Variants in MYO5B observed in about 807,000 individuals in gnomAD.
MYO5B encodes myosin VB.
MYO5B carries 143 observed loss-of-function variants against 229.3 expected under a neutral mutation model. The observed-to-expected ratio is 0.62, with a 90% CI of 0.54 to 0.72. The LOEUF is 0.72. MYO5B is among the 30% of genes least tolerant of loss of function. MYO5B has a pLI of 0.00. For synonymous variants in MYO5B, 918 were observed against 885.2 expected (o/e 1.04, Z -0.66); for missense variants, 2,321 against 2,331.0 (o/e 1.00, Z 0.09).
At position 49,864,254 on chromosome 18, in the gene MYO5B, G is replaced by A; in HGVS notation, c.3730C>T (p.Leu1244=). The A allele has an allele frequency of 6.2e-7, 1 of 1,614,164 alleles. No individual in the cohort carries two copies. Among genetic ancestry groups the A allele is most frequent in the Non-Finnish European group, 8.5e-7 (1 of 1,180,050 alleles). Reference sequence around the variant, plus strand: ...TCGTGGGCCAGCTTGAGCTGGTTCAGCAGGAGGCTGTAGCTATCTGGGGAG... The same window carrying A: ...TCGTGGGCCAGCTTGAGCTGGTTCAACAGGAGGCTGTAGCTATCTGGGGAG... ...HGSPDSYSLL[L]NQLKLAHEEL... is the part of the protein sequence containing the mutation. The change falls in exon 28 of 40, where the codon CTG becomes TTG. Residue 1244 remains leucine, a synonymous_variant. Transcript: ENST00000285039.
chr18:50,125,190 A>G (rs931129284), intron 1 of MYO5B, among the ~76,000 whole-genome samples: 3 of 152,110 alleles, frequency 2.0e-5, no homozygotes, highest in Non-Finnish European at 2.9e-5. Context: ...ACCTTTCTAA[A>G]TATCAAACTG....
chr18:50,115,204 C>T (rs767800916), intron 1 of MYO5B, among the ~76,000 whole-genome samples: 3 of 152,222 alleles, frequency 2.0e-5, no homozygotes, highest in South Asian at 2.1e-4. Context: ...CAGCCACCTG[C>T]ACACTGTGTT....
Position 50,194,850 on chromosome 18 carries a change from C to A in MYO5B, c.-57G>T. On this transcript the variant is annotated 5_prime_UTR_variant, in exon 1 of 40. Transcript: ENST00000285039. ...TCCTGGCTGCCCCGCGGCTCTCAGT[C>A]CGCGGCTGGCCCGCCTGGCGCCATG... 3 of 1,254,266 alleles carry A rather than the reference C, an allele frequency of 2.4e-6. No individual in the cohort carries two copies. The South Asian group carries it at 9.7e-5, about 41-fold the overall frequency. The allele number at this position is 1,254,266 out of a possible 1,614,324, so 77.7% of individuals were successfully genotyped here. A position where few individuals can be genotyped will look rare whatever the true frequency, so the allele number is the denominator to read the frequency against.
chr18:49,880,559 T>A, intron 22 of MYO5B, 104 bp from the exon 23 acceptor site: 1 of 922,070 alleles, frequency 1.1e-6, no homozygotes, highest in Non-Finnish European at 1.8e-6. Flanking sequence ...ATGCTCTTTT[T>A]AAGAAAATTG....
intron 1 of MYO5B, among the ~76,000 whole-genome samples, chr18:50,093,045 AAG>A: frequency 6.6e-6 from 1 of 152,306 alleles, no homozygotes; most frequent in African/African-American, 2.4e-5. Flanking sequence ...TCAAATCAGT[AAG>A]AAACTATGAA....
intron 1 of MYO5B, among the ~76,000 whole-genome samples, chr18:50,179,878 A>G (rs2033047871): frequency 6.6e-6 from 1 of 152,200 alleles, no homozygotes; most frequent in South Asian, 2.1e-4. Flanking sequence ...AAAATAGCCA[A>G]GAATACCAAG....
intron 22 of MYO5B, among the ~76,000 whole-genome samples, chr18:49,882,228 G>T (rs1456996576): frequency 6.6e-6 from 1 of 152,084 alleles, no homozygotes; most frequent in South Asian, 2.1e-4. Flanking sequence ...ATTCCCCACA[G>T]AATAATCTCT....
intron 15 of MYO5B, 82 bp from the exon 16 acceptor site, chr18:49,936,431 G>A (rs868686298): frequency 1.2e-5 from 12 of 973,420 alleles, no homozygotes; most frequent in African/African-American, 1.6e-5. Context: ...ATGGGTGGCG[G>A]TAGTTATTGT....
chr18:50,108,988 G>C (rs913611189), intron 1 of MYO5B, among the ~76,000 whole-genome samples: 1 of 152,120 alleles, frequency 6.6e-6, no homozygotes, highest in South Asian at 2.1e-4. Context: ...CAGGCTCCAA[G>C]AAGAATAAAG....
At chr18:50,112,432 C>T (rs1203864046) in intron 1 of MYO5B, among the ~76,000 whole-genome samples, 1 of 152,194 alleles carries the variant, frequency 6.6e-6, no homozygotes, top group East Asian at 1.9e-4. Context: ...GAGGCAAAGG[C>T]AAGGCTCCTG....
intron 1 of MYO5B, among the ~76,000 whole-genome samples, chr18:50,067,714 CCT>C (rs1393118409): frequency 6.6e-6 from 1 of 152,166 alleles, no homozygotes; most frequent in Non-Finnish European, 1.5e-5. Flanking sequence ...TGCTGGCTCC[CCT>C]TTGTCTCCTG....
intron 4 of MYO5B, among the ~76,000 whole-genome samples, chr18:50,031,868 A>G (rs1254691503): frequency 6.6e-6 from 1 of 152,206 alleles, no homozygotes; most frequent in Non-Finnish European, 1.5e-5. Flanking sequence ...GTGTCTAAAT[A>G]TGATTTGCAA....
chr18:50,095,676 G>C (rs1172877348), intron 1 of MYO5B, among the ~76,000 whole-genome samples: 1 of 152,214 alleles, frequency 6.6e-6, no homozygotes, highest in East Asian at 1.9e-4. Context: ...AATGGATACA[G>C]TTAAGTGAAC....
chr18:49,922,175 C>T lies in MYO5B; in HGVS notation c.2090+7337G>A, dbSNP rs1430982753. Among the ~76,000 whole-genome samples, 5 of 152,222 alleles carry T rather than the reference C, an allele frequency of 3.3e-5. No homozygotes were observed. In the East Asian group the frequency reaches 9.6e-4, roughly 29 times the overall value. Reference sequence around the variant, plus strand: ...CACACTGAAGCTAGCACACATTACACTTGTATATTTCCTTCAGTAGCTAAC... The same window carrying T: ...CACACTGAAGCTAGCACACATTACATTTGTATATTTCCTTCAGTAGCTAAC... On this transcript the variant is annotated intron_variant, in intron 17 of 39. Coordinates refer to ENST00000285039, the MANE Select transcript of MYO5B (RefSeq NM_001080467.3).
intron 4 of MYO5B, among the ~76,000 whole-genome samples, chr18:50,003,481 C>T (rs2026069362): frequency 6.6e-6 from 1 of 152,142 alleles, no homozygotes; most frequent in South Asian, 2.1e-4. Flanking sequence ...TTTGTATCGC[C>T]TCTTCTCATT....
At chr18:49,987,132 A>AG (rs1417526932) in intron 7 of MYO5B, among the ~76,000 whole-genome samples, 2 of 151,896 alleles carry the variant, frequency 1.3e-5, no homozygotes, top group Non-Finnish European at 2.9e-5. Context: ...TCAGATAGAC[A>AG]CCCCGCCTTC....
intron 17 of MYO5B, 130 bp downstream of exon 17, chr18:49,929,382 G>T: frequency 2.8e-6 from 2 of 714,198 alleles, no homozygotes; most frequent in Non-Finnish European, 4.7e-6. Context: ...ATCCTGCTTG[G>T]GCCTCAATGT....
intron 1 of MYO5B, among the ~76,000 whole-genome samples, chr18:50,107,508 C>T (rs118076629): frequency 1.5e-3 from 234 of 152,240 alleles, no homozygotes; most frequent in Non-Finnish European, 3.0e-3. Context: ...AGTTTTGCAA[C>T]TTAAACTTAA....
intron 22 of MYO5B, 52 bp from the exon 23 acceptor site, chr18:49,880,507 G>C: frequency 1.5e-6 from 2 of 1,379,140 alleles, no homozygotes; most frequent in Non-Finnish European, 2.1e-6. Context: ...GAAGAGGAGA[G>C]GCTCCTCTTG....
Sources: allele counts gnomAD v4.1 joint callset (sites outside exome capture counted in the v4.1 genomes callset), GRCh38; gene constraint gnomAD v4.1.1; transcripts MANE v1.5; gene names NCBI Gene and HGNC (gene_info 2026-07-23, HGNC 2026-07-21).